The following MYO5A variants were observed in gnomAD, a reference collection of about 807,000 sequenced individuals.
MYO5A encodes myosin VA, also known as unconventional myosin-Va.
MYO5A carries 98 observed loss-of-function variants against 249.7 expected under a neutral mutation model. That is an observed-to-expected ratio of 0.39 (90% confidence interval 0.33 to 0.46). The LOEUF is 0.46. Among genes scored for constraint, MYO5A ranks in the 20% least tolerant of loss-of-function variants. MYO5A has a pLI of 0.98. For missense variants in MYO5A, 1,696 were observed against 2,308.8 expected (o/e 0.73, Z 5.44); for synonymous variants, 778 against 810.6 (o/e 0.96, Z 0.68).
intron 23 of MYO5A, among the ~76,000 whole-genome samples, chr15:52,366,574 G>T (rs535811999): frequency 8.8e-6 from 1 of 113,272 alleles, no homozygotes; most frequent in Non-Finnish European, 1.8e-5. Flanking sequence ...AAAAATTAGT[G>T]TTTTTTTAGA....
chr15:52,315,254 T>C (rs779389360), intron 40 of MYO5A, among the ~76,000 whole-genome samples: 1 of 152,232 alleles, frequency 6.6e-6, no homozygotes, highest in Non-Finnish European at 1.5e-5. Flanking sequence ...GTATTCTTAC[T>C]TTCCACACTT....
At chr15:52,501,473 T>A (rs901523959) in intron 1 of MYO5A, among the ~76,000 whole-genome samples, 2 of 151,982 alleles carry the variant, frequency 1.3e-5, no homozygotes, top group African/African-American at 4.8e-5. Context: ...TGGTGGTGTG[T>A]CTGTAGTTCC....
At chr15:52,363,204 G>T (rs1845739399) in intron 24 of MYO5A, among the ~76,000 whole-genome samples, 1 of 152,096 alleles carries the variant, frequency 6.6e-6, no homozygotes, top group African/African-American at 2.4e-5. Context: ...ATGGAACTGG[G>T]GAACATGAAC....
intron 40 of MYO5A, among the ~76,000 whole-genome samples, chr15:52,315,202 T>C (rs936987553): frequency 1.3e-5 from 2 of 152,248 alleles, no homozygotes; most frequent in South Asian, 2.1e-4. Context: ...TCTTTAGAAG[T>C]TGAATGGCAG....
chr15:52,449,330 A>G (rs1275236862), intron 1 of MYO5A, among the ~76,000 whole-genome samples: 1 of 152,130 alleles, frequency 6.6e-6, no homozygotes, highest in Non-Finnish European at 1.5e-5. Context: ...CAAATCTTTC[A>G]TGATCTGGCC....
At chr15:52,472,563 G>A (rs2076498111) in intron 1 of MYO5A, among the ~76,000 whole-genome samples, 1 of 151,894 alleles carries the variant, frequency 6.6e-6, no homozygotes, top group Non-Finnish European at 1.5e-5. Flanking sequence ...CCGCACAACA[G>A]GCCCCGGTGT....
chr15:52,326,890 T>A (rs1407652206), intron 36 of MYO5A, among the ~76,000 whole-genome samples: 2 of 152,258 alleles, frequency 1.3e-5, no homozygotes, highest in African/African-American at 4.8e-5. Flanking sequence ...CAACACTGAG[T>A]TAAAACTAAG....
intron 1 of MYO5A, among the ~76,000 whole-genome samples, chr15:52,441,845 T>C (rs1156936191): frequency 6.6e-6 from 1 of 152,212 alleles, no homozygotes; most frequent in Non-Finnish European, 1.5e-5. Context: ...TTTTCAACTT[T>C]GTCTATTCAG....
At chr15:52,478,254 G>T (rs56205481) in intron 1 of MYO5A, among the ~76,000 whole-genome samples, 22,862 of 152,196 alleles carry the variant, frequency 0.15, 1,832 homozygotes, top group Middle Eastern at 0.22. Flanking sequence ...TGCTAAGAAC[G>T]TTGGAAAAGT....
intron 1 of MYO5A, among the ~76,000 whole-genome samples, chr15:52,502,070 C>A (rs185796524): frequency 6.6e-6 from 1 of 152,092 alleles, no homozygotes; most frequent in Admixed American, 6.6e-5. Context: ...GGCAGATCAC[C>A]TGAGGTCAGG....
At chr15:52,333,977 T>A (rs941304283) in intron 34 of MYO5A, among the ~76,000 whole-genome samples, 1 of 152,238 alleles carries the variant, frequency 6.6e-6, no homozygotes, top group Non-Finnish European at 1.5e-5. Context: ...TTTCATTTCA[T>A]CCTCTAGATA....
intron 29 of MYO5A, among the ~76,000 whole-genome samples, chr15:52,347,375 CA>C (rs2039693043): frequency 6.6e-6 from 1 of 152,118 alleles, no homozygotes; most frequent in African/African-American, 2.4e-5. Flanking sequence ...CTCTAAAAAA[CA>C]ATATACTTCA....
intron 1 of MYO5A, among the ~76,000 whole-genome samples, chr15:52,435,895 G>A (rs780200796): frequency 6.6e-6 from 1 of 152,140 alleles, no homozygotes; most frequent in Non-Finnish European, 1.5e-5. Context: ...AAAACAGTAG[G>A]ACAAATAGCC....
intron 1 of MYO5A, among the ~76,000 whole-genome samples, chr15:52,479,952 G>T (rs7165849): frequency 6.6e-6 from 1 of 152,058 alleles, no homozygotes; most frequent in Non-Finnish European, 1.5e-5. Flanking sequence ...TTCCTGAAGA[G>T]ATATGAACTG....
At chr15:52,353,735 A>G (rs781397868) in intron 26 of MYO5A, 77 bp from the exon 27 acceptor site, 61 of 1,586,184 alleles carry the variant, frequency 3.8e-5, no homozygotes, top group Non-Finnish European at 4.8e-5. Context: ...TACCGAAAAC[A>G]GTGAAGAGAG....
intron 23 of MYO5A, 134 bp downstream of exon 23, chr15:52,366,897 A>G: frequency 2.5e-6 from 2 of 790,358 alleles, no homozygotes; most frequent in Non-Finnish European, 4.2e-6. Flanking sequence ...AACTTTATAA[A>G]TTTGCTGATG....
chr15:52,379,004 C>G (rs539827039), intron 18 of MYO5A, among the ~76,000 whole-genome samples: 1 of 152,320 alleles, frequency 6.6e-6, no homozygotes, highest in Admixed American at 6.5e-5. Context: ...TCTCTACTGT[C>G]CCATACACAA....
At chr15:52,515,980 T>C (rs922767264) in intron 1 of MYO5A, among the ~76,000 whole-genome samples, 1 of 152,154 alleles carries the variant, frequency 6.6e-6, no homozygotes, top group Non-Finnish European at 1.5e-5. Context: ...CTAATACTTG[T>C]AAGAATTTAC....
In MYO5A at chr15:52,311,166, G is replaced by A. The variant is rs7176482; in HGVS notation, c.*2530C>T. Reference sequence around the variant, plus strand: ...TGACGCTTCAGTACATGAGCTGTCCGGAGTAAAAAAAAGGGCTGCATGGCA... The same window carrying A: ...TGACGCTTCAGTACATGAGCTGTCCAGAGTAAAAAAAAGGGCTGCATGGCA... On this transcript the variant is annotated 3_prime_UTR_variant, in exon 42 of 42. Coordinates refer to ENST00000399233, the MANE Select transcript of MYO5A (RefSeq NM_001382347.1). 71,520 of 152,100 alleles carry A rather than the reference G, an allele frequency of 0.47. 20,163 individuals are homozygous for A. Among genetic ancestry groups the A allele is most frequent in the Non-Finnish European group, 0.61 (41,594 of 68,040 alleles). 9.4% of individuals were successfully genotyped at this position (152,100 alleles called of 1,614,324 possible). A position where few individuals can be genotyped will look rare whatever the true frequency, so the allele number is the denominator to read the frequency against.
Sources: allele counts gnomAD v4.1 joint callset (sites outside exome capture counted in the v4.1 genomes callset), GRCh38; gene constraint gnomAD v4.1.1; transcripts MANE v1.5; gene names NCBI Gene and HGNC (gene_info 2026-07-23, HGNC 2026-07-21).